The following EFL1 variants were observed in gnomAD, a reference collection of about 807,000 sequenced individuals.
EFL1 encodes elongation factor-like GTPase 1.
Under a neutral mutation model 126.7 loss-of-function variants are expected in EFL1, and 76 were observed. The ratio of observed to expected loss-of-function variants is 0.60; its 90% CI spans 0.50 to 0.73. EFL1 has a LOEUF of 0.73. EFL1 is among the 30% of genes least tolerant of loss of function. The probability of loss-of-function intolerance (pLI) is 0.00; values close to 1 mark genes in which losing one functional copy is unlikely to be tolerated. For missense variants in EFL1, 1,128 were observed against 1,343.2 expected, an observed-to-expected ratio of 0.84 and a Z score of 2.50; for synonymous variants, 410 against 448.4, an observed-to-expected ratio of 0.91 and a Z score of 1.08.
intron 18 of EFL1, among the ~76,000 whole-genome samples, chr15:82,145,963 T>G (rs1595940200): frequency 6.6e-6 from 1 of 150,614 alleles, no homozygotes; most frequent in African/African-American, 2.4e-5. Flanking sequence ...AAAAAAAGAT[T>G]AACAGATTAG....
chr15:82,259,444 T>A (rs1456592878), intron 2 of EFL1, among the ~76,000 whole-genome samples: 1 of 152,206 alleles, frequency 6.6e-6, no homozygotes, highest in Non-Finnish European at 1.5e-5. Context: ...TTTTGCCATA[T>A]TTCCCCATGC....
Position 82,219,813 on chromosome 15 carries a change from C to T in EFL1, c.1450G>A (p.Glu484Lys), listed in dbSNP as rs935711523. 23 of 1,600,528 alleles carry T rather than the reference C, an allele frequency of 1.4e-5. No individual in the cohort carries two copies. Among genetic ancestry groups the T allele is most frequent in the Admixed American group, 5.4e-5 (3 of 55,974 alleles). Residue 484 changes from glutamate (E) to lysine (K), a missense_variant, in exon 14 of 20, where the codon GAG (glutamate) becomes AAG (lysine). Glu to Lys is a moderately conservative substitution (Grantham distance 56). Transcript: ENST00000268206. ...GGGGTCATACTTTCCACCTGTTGCT[C>T]GTCACCTGACAGAAACAAAAAGATA... ...CPKGEEPRGD[E>K]QQVESMTPKP...
chr15:82,233,175 C>T (rs2074839993), intron 7 of EFL1, among the ~76,000 whole-genome samples: 1 of 152,066 alleles, frequency 6.6e-6, no homozygotes, highest in Non-Finnish European at 1.5e-5. Flanking sequence ...AATCTTGTTG[C>T]TTATCCTTTT....
intron 15 of EFL1, among the ~76,000 whole-genome samples, chr15:82,178,998 C>G (rs7176075): frequency 0.67 from 101,283 of 151,902 alleles, 35,546 homozygotes; most frequent in African/African-American, 0.89. Flanking sequence ...ATAAAAATTA[C>G]CCAGGCATGG....
At chr15:82,192,422 A>G (rs999768221) in intron 15 of EFL1, among the ~76,000 whole-genome samples, 1 of 151,346 alleles carries the variant, frequency 6.6e-6, no homozygotes, top group South Asian at 2.1e-4. Flanking sequence ...AAAAAAGAGT[A>G]AAAATACAGT....
chr15:82,138,899 C>T (rs2073755376), intron 18 of EFL1, 57 bp from the exon 19 acceptor site: 4 of 1,521,020 alleles, frequency 2.6e-6, no homozygotes, highest in Admixed American at 1.8e-5. Flanking sequence ...TGAGCCACAC[C>T]AAGACATGAT....
chr15:82,199,096 GA>G (rs2074440362), intron 15 of EFL1, among the ~76,000 whole-genome samples: 1 of 151,806 alleles, frequency 6.6e-6, no homozygotes, highest in African/African-American at 2.4e-5. Flanking sequence ...GAAGGCTTAT[GA>G]AAGACACCTT....
In EFL1 at chr15:82,143,473, C is replaced by T. The variant is rs149668221; in HGVS notation, c.2990-4631G>A. ...TGCACTAACTTTAATTAAAAACACA[C>T]ATACAAATAAATTGGTAGGTACTTA... On this transcript the variant is annotated intron_variant, in intron 18 of 19. Transcript: ENST00000268206. 3.9e-3 allele frequency among the ~76,000 whole-genome samples: 600 copies of T among 152,268 alleles called. 2 individuals are homozygous for T. The highest frequency in any genetic ancestry group is 6.8e-3 in the Non-Finnish European group (464 of 68,016).
chr15:82,133,697 A>G (rs889521158), intron 19 of EFL1, among the ~76,000 whole-genome samples: 2 of 152,252 alleles, frequency 1.3e-5, no homozygotes, highest in African/African-American at 4.8e-5. Flanking sequence ...GCCACAAGTT[A>G]TAATTCTCTT....
chr15:82,261,586 A>G, intron 2 of EFL1, 102 bp downstream of exon 2: 1 of 1,128,286 alleles, frequency 8.9e-7, no homozygotes, highest in African/African-American at 1.6e-5. Flanking sequence ...CTTGCTTCTT[A>G]GCAAACATCA....
intron 15 of EFL1, among the ~76,000 whole-genome samples, chr15:82,185,171 G>C (rs1049922730): frequency 1.7e-3 from 10 of 6,060 alleles, no homozygotes; most frequent in African/African-American, 3.8e-3. Flanking sequence ...ATGTGTGGCT[G>C]TGTGTGTGTG....
At chr15:82,199,609 G>C (rs546438013) in intron 15 of EFL1, among the ~76,000 whole-genome samples, 15 of 152,338 alleles carry the variant, frequency 9.8e-5, no homozygotes, top group African/African-American at 3.6e-4. Flanking sequence ...CTGGGTTTAA[G>C]CTGCAGTCCC....
chr15:82,138,430 ATGTGTGTG>A (rs10675439), intron 19 of EFL1, among the ~76,000 whole-genome samples: 2 of 146,014 alleles, frequency 1.4e-5, no homozygotes, highest in Non-Finnish European at 3.0e-5. Context: ...GAGAGAGTGT[ATGTGTGTG>A]TGTGTGTGTG....
chr15:82,204,939 T>C (rs1169897374), intron 15 of EFL1, among the ~76,000 whole-genome samples: 1 of 152,184 alleles, frequency 6.6e-6, no homozygotes, highest in Non-Finnish European at 1.5e-5. Context: ...AATACAATTG[T>C]TCACTTTTTC....
chr15:82,131,987 C>CA (rs1331456944), intron 19 of EFL1, among the ~76,000 whole-genome samples: 2 of 151,896 alleles, frequency 1.3e-5, no homozygotes, highest in Non-Finnish European at 2.9e-5. Context: ...GTTCTAAAAC[C>CA]AAAAAACAGA....
chr15:82,135,409 C>A (rs1448094343), intron 19 of EFL1, among the ~76,000 whole-genome samples: 1 of 151,942 alleles, frequency 6.6e-6, no homozygotes, highest in Non-Finnish European at 1.5e-5. Flanking sequence ...CTAGTTGTCC[C>A]TAAATATCCG....
intron 15 of EFL1, among the ~76,000 whole-genome samples, chr15:82,182,598 T>C (rs1015723777): frequency 9.9e-5 from 15 of 151,556 alleles, no homozygotes; most frequent in East Asian, 1.9e-4. Context: ...CCGAGGCGGG[T>C]GGATCACGAG....
At chr15:82,168,499 C>A (rs2074101200) in intron 15 of EFL1, among the ~76,000 whole-genome samples, 1 of 152,150 alleles carries the variant, frequency 6.6e-6, no homozygotes, top group Admixed American at 6.5e-5. Flanking sequence ...ACAGACTGAG[C>A]TAATAACAGT....
intron 17 of EFL1, among the ~76,000 whole-genome samples, chr15:82,155,287 A>C (rs930429226): frequency 1.3e-5 from 2 of 152,116 alleles, no homozygotes; most frequent in African/African-American, 4.8e-5. Flanking sequence ...GGATCACTTG[A>C]GGTCAAGAGT....
Sources: allele counts gnomAD v4.1 joint callset (sites outside exome capture counted in the v4.1 genomes callset), GRCh38; gene constraint gnomAD v4.1.1; transcripts MANE v1.5; gene names NCBI Gene and HGNC (gene_info 2026-07-23, HGNC 2026-07-21).